ASIC2: variants seen among roughly 807,000 people sequenced by gnomAD.
The protein encoded by ASIC2 is acid sensing ion channel subunit 2, also known as acid-sensing ion channel 2.
A neutral mutation model predicts 57.3 loss-of-function variants in ASIC2; 25 were observed. The ratio of observed to expected loss-of-function variants is 0.44; its 90% CI spans 0.32 to 0.61. The LOEUF is 0.61. Ranked by LOEUF, ASIC2 falls within the 20% of genes least tolerant of loss-of-function variation. The pLI is 0.06. For missense variants in ASIC2, 641 were observed against 738.1 expected (o/e 0.87, Z 1.52); for synonymous variants, 319 against 307.5 (o/e 1.04, Z -0.39).
chr17:33,579,947 C>T (rs1904369962), intron 1 of ASIC2: 1 of 152,108 alleles, frequency 6.6e-6, no homozygotes, highest in African/African-American at 2.4e-5. Context: ...TTTCAGAATG[C>T]TGATTGGTCC....
chr17:33,749,511 G>A (rs1400424852), intron 1 of ASIC2, among the ~76,000 whole-genome samples: 1 of 151,978 alleles, frequency 6.6e-6, no homozygotes, highest in Non-Finnish European at 1.5e-5. Flanking sequence ...CACTATTGAA[G>A]GGGAACTTCT....
At chr17:33,441,296 A>G (rs930102101) in intron 1 of ASIC2, among the ~76,000 whole-genome samples, 15 of 152,118 alleles carry the variant, frequency 9.9e-5, no homozygotes, top group Non-Finnish European at 1.9e-4. Flanking sequence ...CCTCTTGAAA[A>G]ACATTTTTAA....
intron 1 of ASIC2, among the ~76,000 whole-genome samples, chr17:33,910,233 A>T (rs1313993681): frequency 1.3e-5 from 2 of 152,228 alleles, no homozygotes; most frequent in Non-Finnish European, 2.9e-5. Flanking sequence ...GATGACAGAC[A>T]TTAGAAAATA....
At position 34,107,540 on chromosome 17, in the gene ASIC2, T is replaced by A. The variant is rs1295981345; in HGVS notation, c.555+48438A>T. ...AACAAAGCAAAACAAAACCATTTAC[T>A]CTTTTGTTCAGTTCTACAGTATCTT... On this transcript the variant is annotated intron_variant, in intron 1 of 9. Transcript: ENST00000359872. 2.0e-5 allele frequency among the ~76,000 whole-genome samples: 3 copies of A among 152,058 alleles called. No individual in the cohort carries two copies. In the East Asian group the frequency reaches 5.8e-4, roughly 29 times the overall value.
chr17:33,415,278 T>C (rs541682252), intron 1 of ASIC2, among the ~76,000 whole-genome samples: 6 of 152,314 alleles, frequency 3.9e-5, no homozygotes, highest in Admixed American at 6.5e-5. Flanking sequence ...GAATCTAATA[T>C]GGAATAACAT....
intron 1 of ASIC2, among the ~76,000 whole-genome samples, chr17:33,229,715 G>A (rs577297963): frequency 1.8e-4 from 27 of 152,252 alleles, no homozygotes; most frequent in African/African-American, 6.3e-4. Flanking sequence ...ATAAATAGAC[G>A]TCTCCTTGTT....
rs193016121 is a variant in ASIC2, at chr17:33,212,689, C to T, written c.708+78719G>A. Among the ~76,000 whole-genome samples the T allele has an allele frequency of 3.9e-5, 6 of 152,332 alleles. No homozygotes were observed. In the East Asian group the frequency reaches 1.2e-3, roughly 29 times the overall value. ...CAAGGGCAAGAAAGGAATGGGCTGG[C>T]CTGCAGGTGTCCTTGGCTCTCTCTA... On this transcript the variant is annotated intron_variant, in intron 1 of 9. Coordinates refer to ENST00000225823, the MANE Select transcript of ASIC2 (RefSeq NM_183377.2).
chr17:33,674,864 G>A (rs1907765037), intron 1 of ASIC2, among the ~76,000 whole-genome samples: 2 of 152,278 alleles, frequency 1.3e-5, no homozygotes, highest in Admixed American at 6.5e-5. Context: ...TGTGGTCTGA[G>A]CCCAGAAATT....
At chr17:33,027,735 T>C (rs1268100994) in intron 4 of ASIC2, among the ~76,000 whole-genome samples, 1 of 152,258 alleles carries the variant, frequency 6.6e-6, no homozygotes, top group African/African-American at 2.4e-5. Flanking sequence ...CTTCAGCCTC[T>C]GATAAGCCAA....
At chr17:33,480,589 C>G (rs567429853) in intron 1 of ASIC2, among the ~76,000 whole-genome samples, 1 of 152,224 alleles carries the variant, frequency 6.6e-6, no homozygotes, top group African/African-American at 2.4e-5. Flanking sequence ...ATCTCCAAGA[C>G]CAGGAGAGGA....
intron 3 of ASIC2, among the ~76,000 whole-genome samples, chr17:33,074,279 A>C (rs1345109457): frequency 6.6e-6 from 1 of 152,164 alleles, no homozygotes; most frequent in Non-Finnish European, 1.5e-5. Flanking sequence ...TTCAAGGAAA[A>C]ATAAAACAAA....
intron 1 of ASIC2, among the ~76,000 whole-genome samples, chr17:33,368,255 G>C (rs1171269809): frequency 6.6e-6 from 1 of 152,222 alleles, no homozygotes; most frequent in African/African-American, 2.4e-5. Flanking sequence ...GAGCTGACAT[G>C]TAAGAAGTCT....
chr17:33,936,983 C>T (rs983890443), intron 1 of ASIC2, among the ~76,000 whole-genome samples: 7 of 152,278 alleles, frequency 4.6e-5, no homozygotes, highest in African/African-American at 1.7e-4. Flanking sequence ...TCCACCAAGC[C>T]CAAGCGGAGA....
chr17:33,260,274 T>G (rs372062591), intron 1 of ASIC2, among the ~76,000 whole-genome samples: 21 of 152,152 alleles, frequency 1.4e-4, no homozygotes, highest in Admixed American at 5.9e-4. Flanking sequence ...ATTTCCTGGC[T>G]TTGTCTCCAA....
intron 3 of ASIC2, among the ~76,000 whole-genome samples, chr17:33,086,213 T>C (rs539036591): frequency 2.0e-5 from 3 of 152,310 alleles, no homozygotes; most frequent in African/African-American, 7.2e-5. Flanking sequence ...TCTCTCAGGC[T>C]GATGAAAAAT....
intron 1 of ASIC2, among the ~76,000 whole-genome samples, chr17:33,144,525 C>T (rs1194753776): frequency 6.6e-6 from 1 of 152,164 alleles, no homozygotes; most frequent in African/African-American, 2.4e-5. Context: ...CCTCCCTTTA[C>T]CCAAGCCAGT....
intron 1 of ASIC2, among the ~76,000 whole-genome samples, chr17:34,125,853 A>G (rs1911765307): frequency 6.6e-6 from 1 of 152,188 alleles, no homozygotes; most frequent in African/African-American, 2.4e-5. Context: ...TCCAGGTACG[A>G]GCTCAGATAC....
At chr17:33,721,070 A>G (rs546712319) in intron 1 of ASIC2, among the ~76,000 whole-genome samples, 1 of 151,896 alleles carries the variant, frequency 6.6e-6, no homozygotes, top group Admixed American at 6.6e-5. Flanking sequence ...CTATTCCTCT[A>G]CTCCTTAGAA....
intron 1 of ASIC2, among the ~76,000 whole-genome samples, chr17:33,273,332 T>A (rs781586383): frequency 6.6e-6 from 1 of 152,200 alleles, no homozygotes; most frequent in African/African-American, 2.4e-5. Flanking sequence ...CGAAGATGAA[T>A]CCTTCATATT....
Sources: allele counts gnomAD v4.1 joint callset (sites outside exome capture counted in the v4.1 genomes callset), GRCh38; gene constraint gnomAD v4.1.1; transcripts MANE v1.5; gene names NCBI Gene and HGNC (gene_info 2026-07-23, HGNC 2026-07-21).